The following MSI2 variants were observed in gnomAD, a reference collection of about 807,000 sequenced individuals.
MSI2 encodes musashi RNA binding protein 2.
MSI2 carries 17 observed loss-of-function variants against 45.6 expected under a neutral mutation model. The ratio of observed to expected loss-of-function variants is 0.37; its 90% CI spans 0.26 to 0.56. The LOEUF (loss-of-function observed/expected upper bound fraction) is 0.56. MSI2 is among the 20% of genes least tolerant of loss of function. MSI2 has a pLI of 0.77. For missense variants in MSI2, 293 were observed against 444.2 expected, an observed-to-expected ratio of 0.66 and a Z score of 3.06; for synonymous variants, 156 against 158.2, an observed-to-expected ratio of 0.99 and a Z score of 0.11.
At chr17:57,268,704 CG>C (rs1038428604) in intron 5 of MSI2, among the ~76,000 whole-genome samples, 11 of 152,104 alleles carry the variant, frequency 7.2e-5, no homozygotes, top group African/African-American at 2.7e-4. Flanking sequence ...GGCATGGTGG[CG>C]GGCACCTGTA....
chr17:57,299,651 G>T (rs1857970291), intron 5 of MSI2, among the ~76,000 whole-genome samples: 1 of 152,030 alleles, frequency 6.6e-6, no homozygotes, highest in Non-Finnish European at 1.5e-5. Flanking sequence ...TATTAAGTTT[G>T]CCAGTTTGTG....
At chr17:57,446,280 C>T (rs1485390895) in intron 6 of MSI2, among the ~76,000 whole-genome samples, 1 of 152,004 alleles carries the variant, frequency 6.6e-6, no homozygotes, top group Non-Finnish European at 1.5e-5. Flanking sequence ...AGCTTTGTGA[C>T]TTCAGGGAAC....
intron 7 of MSI2, among the ~76,000 whole-genome samples, chr17:57,563,742 G>GCA (rs1491409078): frequency 3.6e-5 from 4 of 110,844 alleles, no homozygotes; most frequent in South Asian, 5.8e-4. Context: ...ACACACACAG[G>GCA]CGCGCACACA....
chr17:57,557,521 G>A (rs979586319), intron 7 of MSI2, among the ~76,000 whole-genome samples: 5 of 152,208 alleles, frequency 3.3e-5, no homozygotes, highest in Admixed American at 1.3e-4. Context: ...TGTTTGCTGT[G>A]TACTCTGGAA....
intron 5 of MSI2, among the ~76,000 whole-genome samples, chr17:57,400,053 G>A (rs1413762697): frequency 6.6e-6 from 1 of 152,238 alleles, no homozygotes; most frequent in African/African-American, 2.4e-5. Context: ...AGAAACAGAT[G>A]ACATTGTGTG....
intron 5 of MSI2, among the ~76,000 whole-genome samples, chr17:57,312,362 ACT>A (rs1431628929): frequency 6.6e-6 from 1 of 152,116 alleles, no homozygotes; most frequent in African/African-American, 2.4e-5. Context: ...AAAACTGCCA[ACT>A]GGAGGAAACC....
intron 5 of MSI2, among the ~76,000 whole-genome samples, chr17:57,377,215 C>T (rs549461749): frequency 8.5e-5 from 13 of 152,284 alleles, no homozygotes; most frequent in African/African-American, 2.2e-4. Context: ...CCACCGTGCC[C>T]GGCCCACAAA....
At chr17:57,642,339 C>T (rs1910322444) in intron 10 of MSI2, among the ~76,000 whole-genome samples, 1 of 152,178 alleles carries the variant, frequency 6.6e-6, no homozygotes, top group African/African-American at 2.4e-5. Context: ...ATTGGAATGG[C>T]CACTCCTGCA....
In MSI2 at chr17:57,416,823, G is replaced by A. The variant is rs1015565649; in HGVS notation, c.405+15352G>A. ...TGGTGATCATGGGAACAACTGGAGG[G>A]GGAGGAAGAAGGTCTCTTATCAGCT... On this transcript the variant is annotated intron_variant, in intron 6 of 13. Coordinates refer to ENST00000284073, the MANE Select transcript of MSI2 (RefSeq NM_138962.4). Among the ~76,000 whole-genome samples, 131 of 152,154 alleles carry A rather than the reference G, an allele frequency of 8.6e-4. 1 individual carries two copies. Among genetic ancestry groups the A allele is most frequent in the African/African-American group, 3.0e-3 (125 of 41,422 alleles).
At chr17:57,421,142 CTT>C (rs1286011962) in intron 6 of MSI2, among the ~76,000 whole-genome samples, 3 of 152,030 alleles carry the variant, frequency 2.0e-5, no homozygotes, top group African/African-American at 7.3e-5. Context: ...ACTGAGGCCT[CTT>C]TACTTTTTAT....
Position 57,529,783 on chromosome 17 carries a change from C to A in MSI2, c.454+59C>A. The A allele has an allele frequency of 7.2e-7, 1 of 1,395,996 alleles. No homozygotes were observed. Among genetic ancestry groups the A allele is most frequent in the South Asian group, 1.2e-5 (1 of 81,798 alleles). 86.5% of individuals were successfully genotyped at this position (1,395,996 alleles called of 1,614,324 possible). On this transcript the variant is annotated intron_variant, in intron 7 of 13. Coordinates refer to ENST00000284073, the MANE Select transcript of MSI2 (RefSeq NM_138962.4). This position sits in a 1 kb window ranked among gnomAD's most constrained non-coding sequence, Gnocchi z 5.3. The stretch of plus-strand genomic sequence containing the variant: ...ACCCTCTCCTGGCCTCTCTGTCTGT[C>A]ATCCCCAGTCCCACTGACAAAAGAT...
chr17:57,301,808 G>A (rs1170832501), intron 5 of MSI2, among the ~76,000 whole-genome samples: 1 of 150,686 alleles, frequency 6.6e-6, no homozygotes, highest in Non-Finnish European at 1.5e-5. Flanking sequence ...GAATATTCTT[G>A]TATATATCTT....
At chr17:57,423,784 C>G (rs1043920184) in intron 6 of MSI2, among the ~76,000 whole-genome samples, 1 of 152,150 alleles carries the variant, frequency 6.6e-6, no homozygotes, top group Non-Finnish European at 1.5e-5. Flanking sequence ...CCCTCCTCAC[C>G]AAATGAGTTC....
chr17:57,436,638 C>G (rs114742912), intron 6 of MSI2, among the ~76,000 whole-genome samples: 2 of 152,130 alleles, frequency 1.3e-5, no homozygotes, highest in South Asian at 2.1e-4. Context: ...CCATGCTCGC[C>G]GAGGAGGCAG....
In MSI2 at chr17:57,652,127, G is replaced by A. The variant is rs746187910; in HGVS notation, c.756G>A (p.Val252=). The change falls in exon 11 of 14, where the codon GTG becomes GTA. Residue 252 remains valine (V), a synonymous_variant. Coordinates refer to ENST00000284073, the MANE Select transcript of MSI2 (RefSeq NM_138962.4). The surrounding 1 kb of genome is among the most constrained non-coding windows in gnomAD (Gnocchi z 4.1). ...TCCCAGCAGCGGCTTATGGACCAGT[G>A]GCAGCAGCGGCGGTGGCGGCAGCAA... ...PGFPAAAYGP[V]AAAAVAAARG... is the part of the protein sequence containing the mutation. 3 of 1,614,100 alleles carry A rather than the reference G, an allele frequency of 1.9e-6. No individual in the cohort carries two copies. Among genetic ancestry groups the A allele is most frequent in the Non-Finnish European group, 8.5e-7 (1 of 1,180,008 alleles).
chr17:57,306,142 G>A (rs763663066), intron 5 of MSI2, among the ~76,000 whole-genome samples: 2 of 151,866 alleles, frequency 1.3e-5, no homozygotes, highest in African/African-American at 4.8e-5. Flanking sequence ...GAAGCAACTG[G>A]GAGCCTCTGG....
chr17:57,661,640 C>T (rs1427544915), intron 11 of MSI2, among the ~76,000 whole-genome samples: 1 of 152,172 alleles, frequency 6.6e-6, no homozygotes, highest in African/African-American at 2.4e-5. Flanking sequence ...AGAAAGCAGA[C>T]ACAGGAGGGC....
At chr17:57,606,896 G>C (rs977493612) in intron 8 of MSI2, among the ~76,000 whole-genome samples, 2 of 149,240 alleles carry the variant, frequency 1.3e-5, no homozygotes, top group Non-Finnish European at 3.0e-5. Context: ...GTGGGGTGAT[G>C]GGGGGGGGTG....
chr17:57,257,010 C>G lies in MSI2; in HGVS notation c.63-88C>G, dbSNP rs376594981. 4.1e-5 allele frequency: 66 copies of G among 1,604,992 alleles called. No homozygotes were observed. In the Middle Eastern group the frequency reaches 5.2e-4, roughly 13 times the overall value. ...CCCGGCTCTCGCTCGCTCGCTCCCCCCCGCTTTCCTTTTAGCTTTTGTAAG... is the reference window on the plus strand; with the variant it reads ...CCCGGCTCTCGCTCGCTCGCTCCCCGCCGCTTTCCTTTTAGCTTTTGTAAG... On this transcript the variant is annotated intron_variant, in intron 1 of 13. Transcript: ENST00000284073.
Sources: allele counts gnomAD v4.1 joint callset (sites outside exome capture counted in the v4.1 genomes callset), GRCh38; gene constraint gnomAD v4.1.1; non-coding constraint Gnocchi (gnomAD v3.1); transcripts MANE v1.5; gene names NCBI Gene and HGNC (gene_info 2026-07-23, HGNC 2026-07-21).